The following SRA1 variants were observed in gnomAD, a reference collection of about 807,000 sequenced individuals.
SRA1 encodes steroid receptor RNA activator 1, also known as lncRNA SRA.
A neutral mutation model predicts 24.3 loss-of-function variants in SRA1; 25 were observed. The ratio of observed to expected loss-of-function variants is 1.03; its 90% CI spans 0.75 to 1.43. The LOEUF (loss-of-function observed/expected upper bound fraction) is 1.43, where lower values mean the gene tolerates loss of function less well. Ranked by LOEUF, SRA1 falls within the 40% of genes most tolerant of loss-of-function variation. The pLI is 0.00. For missense variants in SRA1, 303 were observed against 286.6 expected (o/e 1.06, Z -0.41); for synonymous variants, 104 against 109.5 (o/e 0.95, Z 0.31).
intron 2 of SRA1, among the ~76,000 whole-genome samples, chr5:140,552,774 A>G (rs1159363230): frequency 6.6e-6 from 1 of 152,198 alleles, no homozygotes. Flanking sequence ...GTTCAAAACC[A>G]GCCTACGCAA....
chr5:140,555,196 C>T (rs1754660438), intron 2 of SRA1, among the ~76,000 whole-genome samples: 1 of 151,830 alleles, frequency 6.6e-6, no homozygotes, highest in Non-Finnish European at 1.5e-5. Flanking sequence ...ATCTTGATGT[C>T]TCAGCAGCAT....
intron 1 of SRA1, 56 bp downstream of exon 1, chr5:140,557,371 GC>G: frequency 1.2e-6 from 2 of 1,602,414 alleles, no homozygotes; most frequent in Non-Finnish European, 8.5e-7. Flanking sequence ...CGCCGCAACC[GC>G]CCCCAGCCTA....
chr5:140,557,106 C>T lies in SRA1; in HGVS notation c.151+41G>A, dbSNP rs201688784. ...GGCTTATGCCTTACACCCCCCCCCC[C>T]CCATTCTCCGTCTGTCTCCGAGCAC... On this transcript the variant is annotated intron_variant, in intron 2 of 4. Coordinates refer to ENST00000336283, the MANE Select transcript of SRA1 (RefSeq NM_001035235.4). 3.3e-4 allele frequency: 404 copies of T among 1,222,978 alleles called. 12 individuals carry two copies. The highest frequency in any genetic ancestry group is 2.2e-3 in the Admixed American group (112 of 50,088). 75.8% of individuals were successfully genotyped at this position (1,222,978 alleles called of 1,614,324 possible).
chr5:140,557,523 C>T (rs1279718876), upstream of SRA1: 1 of 1,517,138 alleles, frequency 6.6e-7, no homozygotes. Flanking sequence ...CCAGTTGAGA[C>T]ACGTCCAGGG....
chr5:140,552,584 C>G (rs984114152), intron 2 of SRA1, among the ~76,000 whole-genome samples: 2 of 151,008 alleles, frequency 1.3e-5, no homozygotes, highest in Non-Finnish European at 2.9e-5. Flanking sequence ...ACCCGGGAGG[C>G]AGAGGTTGTG....
upstream of SRA1, chr5:140,557,601 A>C: frequency 1.1e-6 from 1 of 885,784 alleles, no homozygotes; most frequent in Non-Finnish European, 1.7e-6. Context: ...CGCTGTGGGG[A>C]CCCTGCGGCA....
At chr5:140,553,305 C>CT (rs1561859776) in intron 2 of SRA1, among the ~76,000 whole-genome samples, 1 of 143,060 alleles carries the variant, frequency 7.0e-6, no homozygotes, top group Non-Finnish European at 1.5e-5. Context: ...CTAAGACCCT[C>CT]TTAAAAAAAA....
Position 140,552,063 on chromosome 5 carries a change from G to A in SRA1, c.273C>T (p.Phe91=). 1.2e-6 allele frequency: 2 copies of A among 1,614,072 alleles called. No homozygotes were observed. Among genetic ancestry groups the A allele is most frequent in the South Asian group, 1.1e-5 (1 of 91,050 alleles). The change falls in exon 3 of 5, where the codon TTC becomes TTT. Residue 91 remains phenylalanine (F), a synonymous_variant. Coordinates refer to ENST00000336283, the MANE Select transcript of SRA1 (RefSeq NM_001035235.4). ...CCATCACAGCCTCAGACTCGACTGG[G>A]AAACTTGTGGGCTCCACGCCAGAGG... ...GPASGVEPTS[F]PVESEAVMED...
chr5:140,553,594 G>A (rs1014032139), intron 2 of SRA1, among the ~76,000 whole-genome samples: 2 of 152,220 alleles, frequency 1.3e-5, no homozygotes, highest in Admixed American at 6.5e-5. Context: ...GTGGGGCTTT[G>A]GAAGAGTTTG....
In SRA1 at chr5:140,552,026, T is replaced by A; in HGVS notation, c.310A>T (p.Arg104Ter). ...TCTTCCAATGCCTGTTCCAAAGGTC[T>A]CAGCACATCCTCCATCACAGCCTCA... The part of the protein sequence containing the change: ...ESEAVMEDVL[R>*]PLEQALEDCR... Residue 104 changes from arginine (R) to a stop codon, truncating the protein, a stop_gained, in exon 3 of 5, where the codon AGA becomes TGA. Transcript: ENST00000336283. LOFTEE classifies it high-confidence loss of function. 1 of 1,596,196 alleles carries A rather than the reference T, an allele frequency of 6.3e-7. No individual in the cohort carries two copies. Among genetic ancestry groups the A allele is most frequent in the East Asian group, 2.3e-5 (1 of 43,752 alleles).
chr5:140,557,390 G>C, intron 1 of SRA1, 38 bp downstream of exon 1: 2 of 1,599,056 alleles, frequency 1.3e-6, no homozygotes, highest in Non-Finnish European at 1.7e-6. Flanking sequence ...CTAGGCCGGG[G>C]CGACAACCTA....
At chr5:140,555,365 C>T (rs1412648017) in intron 2 of SRA1, among the ~76,000 whole-genome samples, 1 of 151,862 alleles carries the variant, frequency 6.6e-6, no homozygotes, top group Non-Finnish European at 1.5e-5. Context: ...TCCTGTCTCA[C>T]CCTCCCAAGT....
intron 2 of SRA1, among the ~76,000 whole-genome samples, chr5:140,555,379 T>G (rs563859006): frequency 1.1e-4 from 16 of 152,154 alleles, no homozygotes; most frequent in Non-Finnish European, 1.9e-4. Context: ...CCCAAGTAGC[T>G]GGTATTACAG....
rs182589649 is a variant in SRA1, at chr5:140,556,620, T to C, written c.151+527A>G. Among the ~76,000 whole-genome samples the C allele has an allele frequency of 1.8e-3, 281 of 151,960 alleles. 1 individual carries two copies. The highest frequency in any genetic ancestry group is 6.4e-3 in the African/African-American group (267 of 41,472). On this transcript the variant is annotated intron_variant, in intron 2 of 4. Coordinates refer to ENST00000336283, the MANE Select transcript of SRA1 (RefSeq NM_001035235.4). ...CTGTAGCACCCTCACCACTATTTCA[T>C]CTTTCAGCCCATCTCCAGTGCTGCA...
chr5:140,555,746 TC>T (rs1754678080), intron 2 of SRA1, among the ~76,000 whole-genome samples: 1 of 131,378 alleles, frequency 7.6e-6, no homozygotes, highest in East Asian at 2.2e-4. Flanking sequence ...CCAAAAAAAC[TC>T]CCCCTCCCCA....
chr5:140,556,206 C>T (rs1226399362), intron 2 of SRA1, among the ~76,000 whole-genome samples: 2 of 152,148 alleles, frequency 1.3e-5, no homozygotes, highest in Non-Finnish European at 2.9e-5. Context: ...GAAACCAAGC[C>T]TTGTATCATT....
At position 140,557,284 on chromosome 5, in the gene SRA1, A is replaced by C. The variant is rs765600752; in HGVS notation, c.26-12T>G. On this transcript the variant is annotated splice_polypyrimidine_tract_variant and intron_variant, in intron 1 of 4. Coordinates refer to ENST00000336283, the MANE Select transcript of SRA1 (RefSeq NM_001035235.4). ...GCGTTCCTTGTTGCCTGCGGAGGCG[A>C]GGGATGTGTGAAGCGAGCCCGGAAC... is the stretch of plus-strand genomic sequence containing the variant. 20 of 1,609,998 alleles carry C rather than the reference A, an allele frequency of 1.2e-5. No homozygotes were observed. Among genetic ancestry groups the C allele is most frequent in the Non-Finnish European group, 1.7e-5 (20 of 1,179,860 alleles).
intron 2 of SRA1, among the ~76,000 whole-genome samples, chr5:140,552,826 G>A (rs777609682): frequency 6.6e-6 from 1 of 152,058 alleles, no homozygotes; most frequent in Non-Finnish European, 1.5e-5. Flanking sequence ...TTAAAAGTTA[G>A]TCAAGTGTGG....
At chr5:140,557,518 T>G, upstream of SRA1, 1 of 1,521,534 alleles carries the variant, frequency 6.6e-7, no homozygotes, top group South Asian at 1.3e-5. Flanking sequence ...GCGGGCCAGT[T>G]GAGACACGTC....
Sources: allele counts gnomAD v4.1 joint callset (sites outside exome capture counted in the v4.1 genomes callset), GRCh38; gene constraint gnomAD v4.1.1; transcripts MANE v1.5; gene names NCBI Gene and HGNC (gene_info 2026-07-23, HGNC 2026-07-21).